ARHGEF7: variants seen among roughly 807,000 people sequenced by gnomAD.
ARHGEF7 encodes Rho guanine nucleotide exchange factor 7, also known as PAK-interacting exchange factor beta.
In ARHGEF7, 33 loss-of-function variants were observed where a neutral mutation model predicts 109.8. The ratio of observed to expected loss-of-function variants is 0.30; its 90% CI spans 0.23 to 0.40. The LOEUF is 0.40. ARHGEF7 is among the 10% of genes least tolerant of loss of function. ARHGEF7 has a pLI of 1.00. For synonymous variants in ARHGEF7, 458 were observed against 424.6 expected (o/e 1.08, Z -0.97); for missense variants, 938 against 1,098.5 (o/e 0.85, Z 2.07).
intron 2 of ARHGEF7, among the ~76,000 whole-genome samples, chr13:111,178,654 G>T (rs866789006): frequency 6.6e-6 from 1 of 152,218 alleles, no homozygotes; most frequent in Admixed American, 6.5e-5. Context: ...ATGGTGAGGA[G>T]TGCCAGCCAT....
At chr13:111,199,668 T>C (rs1475694895) in intron 2 of ARHGEF7, among the ~76,000 whole-genome samples, 1 of 152,232 alleles carries the variant, frequency 6.6e-6, no homozygotes, top group Non-Finnish European at 1.5e-5. Flanking sequence ...AAATGAGGAA[T>C]ATGCTAAAAT....
At chr13:111,232,664 G>A (rs538992901) in intron 5 of ARHGEF7, among the ~76,000 whole-genome samples, 77 of 152,240 alleles carry the variant, frequency 5.1e-4, no homozygotes, top group African/African-American at 1.3e-3. Flanking sequence ...AAGTGAAGGC[G>A]GTGTGGGTTT....
intron 2 of ARHGEF7, among the ~76,000 whole-genome samples, chr13:111,157,792 A>ATG (rs370001687): frequency 3.4e-4 from 51 of 152,168 alleles, no homozygotes; most frequent in African/African-American, 1.2e-3. Context: ...GTATGTGTGC[A>ATG]TGTGTGTGTG....
chr13:111,242,880 C>G (rs1022632132), intron 6 of ARHGEF7, among the ~76,000 whole-genome samples: 13 of 152,212 alleles, frequency 8.5e-5, no homozygotes, highest in African/African-American at 2.9e-4. Flanking sequence ...GGTGCCTTCT[C>G]GTCCCACCCT....
intron 1 of ARHGEF7, among the ~76,000 whole-genome samples, chr13:111,134,254 C>G (rs1241789141): frequency 6.6e-6 from 1 of 152,144 alleles, no homozygotes; most frequent in African/African-American, 2.4e-5. Context: ...AGTAAACATA[C>G]GTGTGCATGT....
chr13:111,221,441 ATATC>A lies in ARHGEF7; in HGVS notation c.670+3565_670+3568del, dbSNP rs1436215852. On this transcript the variant is annotated intron_variant, in intron 5 of 21. Coordinates refer to ENST00000646102, the MANE Select transcript of ARHGEF7 (RefSeq NM_001354046.2). Reference sequence around the variant, plus strand: ...TCTATATATCTATATATAGATATATATATCTATATATATAGATATATAGACATCT... The same window carrying A: ...TCTATATATCTATATATAGATATATATATATATATAGATATATAGACATCT... Among the ~76,000 whole-genome samples the A allele has an allele frequency of 3.7e-4, 16 of 43,486 alleles. 4 individuals are homozygous for A. The highest frequency in any genetic ancestry group is 1.3e-3 in the South Asian group (2 of 1,512). 28.5% of individuals were successfully genotyped at this position (43,486 alleles called of 152,430 possible).
intron 1 of ARHGEF7, among the ~76,000 whole-genome samples, chr13:111,116,108 G>C (rs2153302051): frequency 6.6e-6 from 1 of 152,312 alleles, no homozygotes; most frequent in East Asian, 1.9e-4. Flanking sequence ...AGTTCTTGCC[G>C]GTGGCGTTGC....
At chr13:111,275,338 TCTTAA>T (rs774952073) in intron 11 of ARHGEF7, among the ~76,000 whole-genome samples, 189 bp from the exon 12 acceptor site, 1 of 152,244 alleles carries the variant, frequency 6.6e-6, no homozygotes, top group Non-Finnish European at 1.5e-5. Flanking sequence ...GTGTTGCTTC[TCTTAA>T]CTTGGTTTCA....
chr13:111,287,294 C>CT (rs1289238869), intron 17 of ARHGEF7, among the ~76,000 whole-genome samples: 1 of 152,208 alleles, frequency 6.6e-6, no homozygotes, highest in African/African-American at 2.4e-5. Context: ...TGCTGGATGC[C>CT]TGCTCTGTTG....
intron 5 of ARHGEF7, among the ~76,000 whole-genome samples, chr13:111,231,753 G>T (rs1222946623): frequency 3.9e-5 from 6 of 152,190 alleles, no homozygotes; most frequent in Admixed American, 3.9e-4. Context: ...CAGAAGGCAT[G>T]GACTGTAGGC....
chr13:111,208,976 A>G (rs1374429646), intron 3 of ARHGEF7, among the ~76,000 whole-genome samples: 1 of 152,206 alleles, frequency 6.6e-6, no homozygotes, highest in Non-Finnish European at 1.5e-5. Context: ...GCAGTGGGGA[A>G]TCTGGGTTTT....
chr13:111,234,820 C>T (rs1006488612), intron 6 of ARHGEF7, among the ~76,000 whole-genome samples: 36 of 152,066 alleles, frequency 2.4e-4, no homozygotes, highest in African/African-American at 7.2e-4. Context: ...CTCCTTTTAG[C>T]GCGTCGTGTG....
At chr13:111,231,829 G>T (rs150696844) in intron 5 of ARHGEF7, among the ~76,000 whole-genome samples, 90 of 152,288 alleles carry the variant, frequency 5.9e-4, no homozygotes, top group African/African-American at 2.1e-3. Flanking sequence ...CACATGGCAG[G>T]ATTCTTGCAG....
At chr13:111,242,869 A>G (rs1342935239) in intron 6 of ARHGEF7, among the ~76,000 whole-genome samples, 1 of 152,220 alleles carries the variant, frequency 6.6e-6, no homozygotes, top group Non-Finnish European at 1.5e-5. Flanking sequence ...GTTCACATCC[A>G]GGTGCCTTCT....
intron 1 of ARHGEF7, among the ~76,000 whole-genome samples, chr13:111,148,559 A>G (rs1809799015): frequency 6.6e-6 from 1 of 152,206 alleles, no homozygotes; most frequent in Non-Finnish European, 1.5e-5. Context: ...TAGCCTTAGA[A>G]GGTGCCAAGC....
At chr13:111,123,862 G>GGCCCCCCCCCCC (rs1555339507) in intron 1 of ARHGEF7, among the ~76,000 whole-genome samples, 2 of 110,142 alleles carry the variant, frequency 1.8e-5, no homozygotes, top group East Asian at 3.0e-4. Context: ...GGTGGGCTGC[G>GGCCCCCCCCCCC]CCCCCCCCCC....
intron 2 of ARHGEF7, chr13:111,185,010 A>T (rs1405105306): frequency 1.4e-5 from 2 of 145,846 alleles, no homozygotes; most frequent in Non-Finnish European, 1.5e-5. Flanking sequence ...TAGAATTGTC[A>T]TTTTTTTTTT....
chr13:111,189,366 C>T (rs77495956), intron 2 of ARHGEF7, among the ~76,000 whole-genome samples: 348 of 152,048 alleles, frequency 2.3e-3, no homozygotes, highest in Middle Eastern at 0.01. Context: ...TTCTTCTTTC[C>T]GGTGGGTTTG....
chr13:111,118,245 C>T (rs73633210), intron 1 of ARHGEF7, among the ~76,000 whole-genome samples: 1 of 152,198 alleles, frequency 6.6e-6, no homozygotes, highest in Non-Finnish European at 1.5e-5. Context: ...CTCATTTGTT[C>T]TGTTTCAGAG....
Sources: allele counts gnomAD v4.1 joint callset (sites outside exome capture counted in the v4.1 genomes callset), GRCh38; gene constraint gnomAD v4.1.1; transcripts MANE v1.5; gene names NCBI Gene and HGNC (gene_info 2026-07-23, HGNC 2026-07-21).